Variants in SEMA6D observed in about 807,000 individuals in gnomAD.
SEMA6D encodes the protein semaphorin-6D.
SEMA6D carries 35 observed loss-of-function variants against 106.6 expected under a neutral mutation model. The observed-to-expected ratio is 0.33, with a 90% CI of 0.25 to 0.44. The LOEUF is 0.44. Among genes scored for constraint, SEMA6D ranks in the 20% least tolerant of loss-of-function variants. The probability of loss-of-function intolerance (pLI) is 1.00; values close to 1 mark genes in which losing one functional copy is unlikely to be tolerated. For missense variants in SEMA6D, 1,185 were observed against 1,345.9 expected (o/e 0.88, Z 1.87); for synonymous variants, 499 against 487.7 (o/e 1.02, Z -0.31).
chr15:47,420,744 C>T (rs1162396602), intron 2 of SEMA6D, among the ~76,000 whole-genome samples: 3 of 152,098 alleles, frequency 2.0e-5, no homozygotes, highest in Non-Finnish European at 4.4e-5. Flanking sequence ...TTTGGAGGCA[C>T]TACCTATGAT....
At chr15:47,346,241 G>C (rs593094) in intron 1 of SEMA6D, among the ~76,000 whole-genome samples, 1 of 151,958 alleles carries the variant, frequency 6.6e-6, no homozygotes, top group East Asian at 1.9e-4. Flanking sequence ...GACTCCATGA[G>C]ACCAGTTTTT....
chr15:47,241,215 A>G (rs1004076898), intron 1 of SEMA6D: 4 of 152,176 alleles, frequency 2.6e-5, no homozygotes, highest in African/African-American at 9.6e-5. Context: ...TTACTATTCA[A>G]TATTCCATTC....
intron 1 of SEMA6D, among the ~76,000 whole-genome samples, chr15:47,192,723 T>A (rs979244448): frequency 2.0e-5 from 3 of 152,208 alleles, no homozygotes; most frequent in African/African-American, 7.2e-5. Flanking sequence ...GTTAAAAGGC[T>A]GCCCTATCAG....
chr15:47,298,048 G>C (rs971474384), intron 1 of SEMA6D, among the ~76,000 whole-genome samples: 4 of 152,038 alleles, frequency 2.6e-5, no homozygotes, highest in Admixed American at 2.6e-4. Flanking sequence ...AAAGTGTAAC[G>C]TAAGTAAAAT....
intron 1 of SEMA6D, among the ~76,000 whole-genome samples, chr15:47,225,092 G>A (rs951549729): frequency 6.6e-6 from 1 of 151,950 alleles, no homozygotes; most frequent in African/African-American, 2.4e-5. Context: ...AGATTTGGTA[G>A]ATCTGCCCTT....
intron 1 of SEMA6D, among the ~76,000 whole-genome samples, chr15:47,189,502 A>G (rs942605535): frequency 1.4e-5 from 2 of 145,684 alleles, no homozygotes; most frequent in Admixed American, 6.7e-5. Flanking sequence ...AAGTTGAGAG[A>G]AAAAAAACCC....
At chr15:47,654,622 A>G (rs2077756695) in intron 4 of SEMA6D, among the ~76,000 whole-genome samples, 1 of 152,226 alleles carries the variant, frequency 6.6e-6, no homozygotes, top group African/African-American at 2.4e-5. Context: ...TGGATTTCTC[A>G]GGAATGGCTT....
chr15:47,442,085 G>C (rs535748998), intron 2 of SEMA6D, among the ~76,000 whole-genome samples: 1 of 152,178 alleles, frequency 6.6e-6, no homozygotes, highest in East Asian at 1.9e-4. Context: ...TATAATTAGA[G>C]TAAATAGCTT....
intron 1 of SEMA6D, among the ~76,000 whole-genome samples, chr15:47,405,425 C>T (rs184051864): frequency 2.0e-5 from 3 of 152,246 alleles, no homozygotes; most frequent in African/African-American, 4.8e-5. Flanking sequence ...CCCTCCTCCA[C>T]TACCCCCCAA....
intron 3 of SEMA6D, among the ~76,000 whole-genome samples, chr15:47,557,059 T>C (rs1016428891): frequency 2.6e-5 from 4 of 152,170 alleles, no homozygotes; most frequent in African/African-American, 9.7e-5. Flanking sequence ...GAATCTGACT[T>C]GTCATACAGT....
chr15:47,227,458 TTCTTTCTTTTTCTTTC>T (rs1186877835), intron 1 of SEMA6D, among the ~76,000 whole-genome samples: 2 of 133,890 alleles, frequency 1.5e-5, no homozygotes, highest in African/African-American at 6.0e-5. Flanking sequence ...TTTCTTTCTT[TTCTTTCTTTTTCTTTC>T]TCTTTCTTTT....
intron 1 of SEMA6D, among the ~76,000 whole-genome samples, chr15:47,364,927 A>G (rs1016986417): frequency 6.6e-6 from 1 of 152,204 alleles, no homozygotes; most frequent in African/African-American, 2.4e-5. Flanking sequence ...TAAAACCACA[A>G]AAGATCAAAA....
intron 4 of SEMA6D, among the ~76,000 whole-genome samples, chr15:47,645,261 ACTT>A (rs1159821917): frequency 2.0e-5 from 3 of 152,142 alleles, no homozygotes; most frequent in Non-Finnish European, 2.9e-5. Context: ...AATGAGCGTC[ACTT>A]CTTCTCCCTC....
intron 3 of SEMA6D, among the ~76,000 whole-genome samples, chr15:47,575,586 G>T (rs1357625001): frequency 6.6e-6 from 1 of 152,152 alleles, no homozygotes; most frequent in African/African-American, 2.4e-5. Context: ...GGGCATGGTG[G>T]CATACGCCTG....
chr15:47,258,617 G>A (rs996318071), intron 1 of SEMA6D, among the ~76,000 whole-genome samples: 11 of 151,900 alleles, frequency 7.2e-5, no homozygotes, highest in Non-Finnish European at 7.4e-5. Context: ...GTATTATCAC[G>A]TGCCCTACCC....
At chr15:47,219,759 T>A (rs528041783) in intron 1 of SEMA6D, among the ~76,000 whole-genome samples, 1 of 152,218 alleles carries the variant, frequency 6.6e-6, no homozygotes, top group African/African-American at 2.4e-5. Context: ...ATATCATCCA[T>A]GTATTTAGCT....
At chr15:47,457,618 A>G (rs1311465896) in intron 2 of SEMA6D, among the ~76,000 whole-genome samples, 4 of 152,006 alleles carry the variant, frequency 2.6e-5, no homozygotes, top group Non-Finnish European at 4.4e-5. Flanking sequence ...AGGTTAGTCA[A>G]TTTGAAGATA....
In SEMA6D at chr15:47,222,022, G is replaced by A. The variant is rs1181431727; in HGVS notation, c.-239+37604G>A. On this transcript the variant is annotated intron_variant, in intron 1 of 19. Transcript: ENST00000558014. ...AAGCGCACACACACACACACGCACA[G>A]ACACACGCATGCACACGCACACTCA... Among the ~76,000 whole-genome samples, 4 of 151,760 alleles carry A rather than the reference G, an allele frequency of 2.6e-5. No homozygotes were observed. In the East Asian group the frequency reaches 7.7e-4, roughly 29 times the overall value.
chr15:47,723,617 AG>A, intron 1 of SEMA6D, among the ~76,000 whole-genome samples: 1 of 152,294 alleles, frequency 6.6e-6, no homozygotes, highest in East Asian at 1.9e-4. Flanking sequence ...GTTATGATGG[AG>A]GGAAAATCTT....
Sources: gnomAD v4.1 joint callset for allele counts (sites outside exome capture counted in the v4.1 genomes callset) on GRCh38, gnomAD v4.1.1 for gene constraint, MANE v1.5 for transcripts, NCBI Gene and HGNC (gene_info 2026-07-23, HGNC 2026-07-21) for gene names.